Variants in RASSF8 observed in about 807,000 individuals in gnomAD.
The protein encoded by RASSF8 is ras association domain-containing protein 8.
In RASSF8, 22 loss-of-function variants were observed where a neutral mutation model predicts 48.5. The observed-to-expected ratio is 0.45, with a 90% confidence interval of 0.32 to 0.65. The LOEUF is 0.65. Among genes scored for constraint, RASSF8 ranks in the 30% least tolerant of loss-of-function variants. The pLI, the probability that RASSF8 is intolerant of heterozygous loss-of-function variation, is 0.03. For missense variants in RASSF8, 418 were observed against 489.2 expected (o/e 0.85, Z 1.37); for synonymous variants, 127 against 171.5 (o/e 0.74, Z 2.03).
At chr12:26,019,970 G>C (rs1942749337) in intron 2 of RASSF8, among the ~76,000 whole-genome samples, 1 of 152,132 alleles carries the variant, frequency 6.6e-6, no homozygotes, top group Non-Finnish European at 1.5e-5. Context: ...CATTTGTCTA[G>C]GATGTAACAG....
chr12:25,979,908 G>A (rs949031539), intron 1 of RASSF8, among the ~76,000 whole-genome samples: 1 of 152,202 alleles, frequency 6.6e-6, no homozygotes, highest in Non-Finnish European at 1.5e-5. Context: ...GGTGAAGGAT[G>A]TAGCAGGTAG....
chr12:26,073,776 C>CACACAT (rs1244639136), downstream of RASSF8, among the ~76,000 whole-genome samples: 8 of 115,320 alleles, frequency 6.9e-5, no homozygotes, highest in South Asian at 2.9e-4. Context: ...CACACACACA[C>CACACAT]ATATATATAT....
chr12:26,066,738 C>A (rs945348922), intron 4 of RASSF8, among the ~76,000 whole-genome samples: 1 of 152,172 alleles, frequency 6.6e-6, no homozygotes, highest in Non-Finnish European at 1.5e-5. Context: ...GTGGAGAAAA[C>A]AACCATTCAC....
intron 1 of RASSF8, among the ~76,000 whole-genome samples, chr12:25,994,085 C>T (rs1245067223): frequency 1.3e-5 from 2 of 152,092 alleles, no homozygotes; most frequent in Admixed American, 6.5e-5. Flanking sequence ...CTAACTTTCC[C>T]CTTCCTCAGT....
intron 2 of RASSF8, among the ~76,000 whole-genome samples, chr12:26,054,779 A>G (rs1254338853): frequency 1.3e-5 from 2 of 152,234 alleles, no homozygotes; most frequent in Non-Finnish European, 2.9e-5. Context: ...GAGCTGAGTA[A>G]GATACTTTGA....
intron 1 of RASSF8, among the ~76,000 whole-genome samples, chr12:25,988,183 AAATG>A (rs1334410697): frequency 6.6e-6 from 1 of 152,120 alleles, no homozygotes; most frequent in Non-Finnish European, 1.5e-5. Flanking sequence ...ATTTTTTAAA[AAATG>A]AATTCCTTCC....
chr12:26,033,401 A>G (rs10842657), intron 2 of RASSF8, among the ~76,000 whole-genome samples: 138,054 of 152,238 alleles, frequency 0.91, 62,705 homozygotes, highest in East Asian at 0.99. Flanking sequence ...GACAAGAATA[A>G]TGAGATCTTC....
At chr12:25,968,141 A>G (rs954900498) in intron 1 of RASSF8, among the ~76,000 whole-genome samples, 3 of 151,852 alleles carry the variant, frequency 2.0e-5, no homozygotes, top group Non-Finnish European at 4.4e-5. Flanking sequence ...TCACCTGCCA[A>G]CTCACTCCCC....
At chr12:25,971,285 C>T (rs960019949) in intron 1 of RASSF8, among the ~76,000 whole-genome samples, 7 of 152,184 alleles carry the variant, frequency 4.6e-5, no homozygotes, top group South Asian at 2.1e-4. Context: ...TAATGATTTT[C>T]GTGGGGCCCT....
intron 2 of RASSF8, among the ~76,000 whole-genome samples, chr12:26,022,734 A>G (rs770313044): frequency 7.9e-5 from 12 of 151,816 alleles, no homozygotes; most frequent in Non-Finnish European, 1.8e-4. Flanking sequence ...TCCACAGTTG[A>G]TTTCTTTCTT....
intron 2 of RASSF8, among the ~76,000 whole-genome samples, chr12:26,029,632 A>G (rs1329776737): frequency 1.3e-5 from 2 of 152,174 alleles, no homozygotes; most frequent in Non-Finnish European, 2.9e-5. Context: ...TTGAGATCCA[A>G]AATATTTCCT....
At chr12:26,047,888 AG>A (rs1306187610) in intron 2 of RASSF8, among the ~76,000 whole-genome samples, 2 of 152,306 alleles carry the variant, frequency 1.3e-5, no homozygotes, top group African/African-American at 4.8e-5. Flanking sequence ...GGCCACATGT[AG>A]GTAGGTCAGG....
At chr12:26,066,947 C>T (rs1170584422) in intron 4 of RASSF8, among the ~76,000 whole-genome samples, 2 of 152,230 alleles carry the variant, frequency 1.3e-5, no homozygotes, top group African/African-American at 4.8e-5. Context: ...GTTCTCAGAT[C>T]TTTGTCAAGG....
chr12:26,028,075 G>A (rs1942953679), intron 2 of RASSF8, among the ~76,000 whole-genome samples: 2 of 152,194 alleles, frequency 1.3e-5, no homozygotes. Context: ...TATGTCATTG[G>A]TAAAGCAGGG....
chr12:26,058,403 T>TAGAG (rs1381305530), intron 3 of RASSF8, among the ~76,000 whole-genome samples: 2 of 152,226 alleles, frequency 1.3e-5, no homozygotes, highest in East Asian at 3.8e-4. Context: ...AGATTATTAG[T>TAGAG]AGAGCATGGA....
intron 1 of RASSF8, among the ~76,000 whole-genome samples, chr12:25,983,370 C>G (rs1297632743): frequency 6.6e-6 from 1 of 152,196 alleles, no homozygotes; most frequent in African/African-American, 2.4e-5. Flanking sequence ...GAAGATAGTT[C>G]TGAGCTTTTT....
exon 6 of RASSF8, chr12:26,079,507 T>C (rs10771258): frequency 0.96 from 146,614 of 152,086 alleles, 70,709 homozygotes; most frequent in East Asian, 0.99. Flanking sequence ...AGAAGGATTG[T>C]TTGAACCCGG....
In RASSF8 at chr12:26,072,827, G is replaced by T. The variant is rs560043836; in HGVS notation, c.*4009G>T. ...AGCTGTAAAACAAAGAATCAATATT[G>T]GATATTCTCCCAAATAATAAATTTT... On this transcript the variant is annotated 3_prime_UTR_variant, in exon 6 of 6. Coordinates refer to ENST00000689635, the MANE Select transcript of RASSF8 (RefSeq NM_001394098.1). The T allele has an allele frequency of 1.1e-6, 1 of 912,110 alleles. No homozygotes were observed. Among genetic ancestry groups the T allele is most frequent in the African/African-American group, 1.8e-5 (1 of 55,468 alleles). The allele number at this position is 912,110 out of a possible 1,614,324, so 56.5% of individuals were successfully genotyped here. A position where few individuals can be genotyped will look rare whatever the true frequency, so the allele number is the denominator to read the frequency against.
At chr12:26,001,672 A>T (rs7956992) in intron 2 of RASSF8, among the ~76,000 whole-genome samples, 1 of 151,804 alleles carries the variant, frequency 6.6e-6, no homozygotes, top group Non-Finnish European at 1.5e-5. Context: ...ATCCTGTCGT[A>T]CTGGAAGGTC....
Sources: allele counts gnomAD v4.1 joint callset (sites outside exome capture counted in the v4.1 genomes callset), GRCh38; gene constraint gnomAD v4.1.1; transcripts MANE v1.5; gene names NCBI Gene and HGNC (gene_info 2026-07-23, HGNC 2026-07-21).